Variants in VPS41 observed in about 807,000 individuals in gnomAD.
VPS41 encodes the protein VPS41 subunit of HOPS complex, also known as vacuolar protein sorting-associated protein 41 homolog.
In VPS41, 85 loss-of-function variants were observed where a neutral mutation model predicts 130.9. That is an observed-to-expected ratio of 0.65 (90% confidence interval 0.55 to 0.78). The LOEUF (loss-of-function observed/expected upper bound fraction) is 0.78. Ranked by LOEUF, VPS41 falls within the 30% of genes least tolerant of loss-of-function variation. The pLI is 0.00. For missense variants in VPS41, 874 were observed against 1,018.7 expected, an observed-to-expected ratio of 0.86 and a Z score of 1.93; for synonymous variants, 335 against 332.9, an observed-to-expected ratio of 1.01 and a Z score of -0.07.
chr7:38,839,972 G>C (rs906673555), intron 4 of VPS41, among the ~76,000 whole-genome samples: 4 of 152,296 alleles, frequency 2.6e-5, no homozygotes, highest in South Asian at 2.1e-4. Flanking sequence ...AGTTCCCCAG[G>C]ACAGCCATCC....
chr7:38,777,148 A>T (rs544207724), intron 10 of VPS41, among the ~76,000 whole-genome samples: 117 of 152,344 alleles, frequency 7.7e-4, no homozygotes, highest in African/African-American at 2.7e-3. Flanking sequence ...ATAATTTTTT[A>T]AAATTCCTGA....
intron 2 of VPS41, among the ~76,000 whole-genome samples, chr7:38,875,136 T>C (rs1000124620): frequency 6.6e-6 from 1 of 152,116 alleles, no homozygotes; most frequent in African/African-American, 2.4e-5. Context: ...CATATAACAA[T>C]ATTTTAAGGA....
At chr7:38,908,223 A>G (rs186200903) in intron 1 of VPS41, among the ~76,000 whole-genome samples, 1 of 152,322 alleles carries the variant, frequency 6.6e-6, no homozygotes, top group Non-Finnish European at 1.5e-5. Context: ...TAACTTGTGA[A>G]GAAAAACAGT....
chr7:38,894,877 G>A (rs7789864), intron 2 of VPS41, among the ~76,000 whole-genome samples: 141,944 of 152,256 alleles, frequency 0.93, 66,316 homozygotes, highest in East Asian at 1. Flanking sequence ...AGGACATTAG[G>A]CAATCAAGCC....
chr7:38,827,491 A>G (rs1021068199), intron 5 of VPS41, among the ~76,000 whole-genome samples: 4 of 152,222 alleles, frequency 2.6e-5, no homozygotes, highest in Non-Finnish European at 5.9e-5. Flanking sequence ...AGACAGGAAG[A>G]GGCCAGACTG....
intron 4 of VPS41, among the ~76,000 whole-genome samples, chr7:38,858,324 T>C (rs182878547): frequency 5.9e-4 from 90 of 152,358 alleles, no homozygotes; most frequent in Admixed American, 5.7e-3. Flanking sequence ...TGGAATCTGG[T>C]ATCTTATTTC....
intron 4 of VPS41, among the ~76,000 whole-genome samples, chr7:38,836,139 TTA>T (rs1370861440): frequency 2.0e-5 from 3 of 152,198 alleles, no homozygotes; most frequent in African/African-American, 7.2e-5. Flanking sequence ...TTACATTATT[TTA>T]TAGTTTTTAT....
intron 4 of VPS41, among the ~76,000 whole-genome samples, chr7:38,835,723 T>C (rs1214928712): frequency 2.0e-5 from 3 of 151,922 alleles, no homozygotes; most frequent in African/African-American, 7.2e-5. Context: ...CTGTTTTCTC[T>C]TTCATCTATC....
intron 14 of VPS41, among the ~76,000 whole-genome samples, chr7:38,768,664 C>T (rs1418922037): frequency 1.3e-5 from 2 of 151,944 alleles, no homozygotes; most frequent in East Asian, 3.9e-4. Context: ...TTTCTGGAAA[C>T]AGATCACACG....
chr7:38,841,402 A>G (rs1785605328), intron 4 of VPS41, among the ~76,000 whole-genome samples: 1 of 152,196 alleles, frequency 6.6e-6, no homozygotes, highest in South Asian at 2.1e-4. Flanking sequence ...TTCATTCCCT[A>G]TGTCCATTTA....
intron 7 of VPS41, among the ~76,000 whole-genome samples, chr7:38,811,364 T>C (rs992934281): frequency 6.6e-6 from 1 of 152,056 alleles, no homozygotes; most frequent in Non-Finnish European, 1.5e-5. Flanking sequence ...CAGATCATTA[T>C]AGTTTATCAA....
chr7:38,859,364 T>C, intron 4 of VPS41, among the ~76,000 whole-genome samples: 1 of 152,148 alleles, frequency 6.6e-6, no homozygotes, highest in East Asian at 1.9e-4. Flanking sequence ...TAGTGTACAC[T>C]ACTGTCCTAA....
chr7:38,795,550 A>C lies in VPS41; in HGVS notation c.632T>G (p.Ile211Arg), dbSNP rs765045405. 1 of 1,613,678 alleles carries C rather than the reference A, an allele frequency of 6.2e-7. No individual in the cohort carries two copies. Among genetic ancestry groups the C allele is most frequent in the Admixed American group, 1.7e-5 (1 of 59,998 alleles). ...GGGATACATGTCTGGGCGAAGACTT[A>C]TATCATCCCGGGGCACATTGGTGAT... ...QRITNVPRDD[I>R]SLRPDMYPCS... The change falls in exon 9 of 29, where the codon ATA (isoleucine) becomes AGA (arginine). Residue 211 changes from isoleucine (I) to arginine (R), a missense_variant. By Grantham distance (97) the Ile-to-Arg change is moderately conservative. Transcript: ENST00000310301.
chr7:38,863,818 A>G (rs1786171143), intron 3 of VPS41, among the ~76,000 whole-genome samples: 1 of 152,218 alleles, frequency 6.6e-6, no homozygotes. Flanking sequence ...TTAGTCATCC[A>G]GGGCAGACAG....
At chr7:38,735,302 C>A (rs1345291160) in intron 25 of VPS41, among the ~76,000 whole-genome samples, 1 of 152,026 alleles carries the variant, frequency 6.6e-6, no homozygotes, top group Non-Finnish European at 1.5e-5. Flanking sequence ...CCCACGTAGG[C>A]CCAAAAAAAG....
At chr7:38,762,349 T>C (rs1288421421) in intron 17 of VPS41, among the ~76,000 whole-genome samples, 2 of 152,200 alleles carry the variant, frequency 1.3e-5, no homozygotes, top group Admixed American at 6.5e-5. Context: ...AAAGTACTCA[T>C]GAAATGAAAT....
At chr7:38,879,059 C>T (rs1285301795) in intron 2 of VPS41, among the ~76,000 whole-genome samples, 4 of 152,190 alleles carry the variant, frequency 2.6e-5, no homozygotes, top group Non-Finnish European at 4.4e-5. Context: ...GAGAGCTGAC[C>T]TGTGCTGCTG....
intron 25 of VPS41, among the ~76,000 whole-genome samples, chr7:38,733,249 T>C (rs1318083094): frequency 1.3e-5 from 2 of 152,244 alleles, no homozygotes; most frequent in Non-Finnish European, 2.9e-5. Flanking sequence ...CTATTCTATT[T>C]GCTTGAGTAA....
At chr7:38,886,627 G>A (rs1484463265) in intron 2 of VPS41, among the ~76,000 whole-genome samples, 1 of 152,230 alleles carries the variant, frequency 6.6e-6, no homozygotes, top group African/African-American at 2.4e-5. Flanking sequence ...AGCTTCTCCA[G>A]ACTTAAATGT....
Sources: gnomAD v4.1 joint callset for allele counts (sites outside exome capture counted in the v4.1 genomes callset) on GRCh38, gnomAD v4.1.1 for gene constraint, MANE v1.5 for transcripts, NCBI Gene and HGNC (gene_info 2026-07-23, HGNC 2026-07-21) for gene names.